Variants in B4GALNT3 observed in about 807,000 individuals in gnomAD.
B4GALNT3 encodes the protein beta-1,4-N-acetyl-galactosaminyltransferase 3.
B4GALNT3 carries 86 observed loss-of-function variants against 120.2 expected under a neutral mutation model. That is an observed-to-expected ratio of 0.72 (90% CI 0.60 to 0.86). The LOEUF (loss-of-function observed/expected upper bound fraction) is 0.86, where lower values mean the gene tolerates loss of function less well. B4GALNT3 is among the 40% of genes least tolerant of loss of function. B4GALNT3 has a pLI of 0.00. For synonymous variants in B4GALNT3, 518 were observed against 510.4 expected, an observed-to-expected ratio of 1.01 and a Z score of -0.20; for missense variants, 1,167 against 1,298.9, an observed-to-expected ratio of 0.90 and a Z score of 1.56.
intron 1 of B4GALNT3, among the ~76,000 whole-genome samples, chr12:475,666 C>A (rs547425338): frequency 1.3e-5 from 2 of 152,274 alleles, no homozygotes; most frequent in East Asian, 3.9e-4. Context: ...TGAAGCCTTC[C>A]TCAATTATTT....
chr12:509,020 C>T (rs1424197064), intron 1 of B4GALNT3, among the ~76,000 whole-genome samples: 1 of 152,198 alleles, frequency 6.6e-6, no homozygotes. Context: ...GGTGGAGATA[C>T]ACTCTACTGG....
At chr12:555,734 T>G (rs1947143770) in intron 14 of B4GALNT3, among the ~76,000 whole-genome samples, 1 of 152,218 alleles carries the variant, frequency 6.6e-6, no homozygotes, top group Non-Finnish European at 1.5e-5. Context: ...TTCTACATCC[T>G]TATCAACACT....
At chr12:501,115 T>TCCACC (rs1946438857) in intron 1 of B4GALNT3, among the ~76,000 whole-genome samples, 1 of 152,072 alleles carries the variant, frequency 6.6e-6, no homozygotes, top group Non-Finnish European at 1.5e-5. Context: ...CCTCAGGTGA[T>TCCACC]CCACCCCCCT....
At chr12:531,999 T>C (rs1033065861) in intron 1 of B4GALNT3, among the ~76,000 whole-genome samples, 1 of 151,850 alleles carries the variant, frequency 6.6e-6, no homozygotes, top group Non-Finnish European at 1.5e-5. Context: ...GAGGGTCTTG[T>C]TATGTTGCCC....
intron 1 of B4GALNT3, among the ~76,000 whole-genome samples, chr12:534,604 G>A (rs1946839954): frequency 6.6e-6 from 1 of 152,172 alleles, no homozygotes; most frequent in Admixed American, 6.5e-5. Context: ...AGTAATAGCA[G>A]GGCCTCTGAT....
intron 3 of B4GALNT3, among the ~76,000 whole-genome samples, chr12:539,994 A>G (rs1946898435): frequency 6.6e-6 from 1 of 152,152 alleles, no homozygotes; most frequent in South Asian, 2.1e-4. Flanking sequence ...GGAACCGGTG[A>G]CCTGATCACC....
chr12:493,327 A>C (rs962031678), intron 1 of B4GALNT3, among the ~76,000 whole-genome samples: 3 of 152,274 alleles, frequency 2.0e-5, no homozygotes, highest in Non-Finnish European at 2.9e-5. Context: ...GTTTAAGATC[A>C]TATGTCATTA....
intron 1 of B4GALNT3, among the ~76,000 whole-genome samples, chr12:489,824 C>A (rs1354245647): frequency 6.6e-6 from 1 of 152,196 alleles, no homozygotes; most frequent in Non-Finnish European, 1.5e-5. Context: ...TCTTCTCAAG[C>A]TCACATGGAA....
intron 1 of B4GALNT3, among the ~76,000 whole-genome samples, chr12:477,377 C>T (rs903497629): frequency 4.6e-5 from 7 of 152,210 alleles, no homozygotes; most frequent in Admixed American, 1.3e-4. Context: ...GGGGGTGGAT[C>T]ATGCATGTTC....
chr12:527,763 G>A (rs961307582), intron 1 of B4GALNT3, among the ~76,000 whole-genome samples: 2 of 152,224 alleles, frequency 1.3e-5, no homozygotes, highest in African/African-American at 4.8e-5. Context: ...GAGCCAGGAA[G>A]AGGGGAGCAG....
Position 553,758 on chromosome 12 carries a change from A to G in B4GALNT3, c.1835A>G (p.Glu612Gly), listed in dbSNP as rs779249903. The stretch of plus-strand genomic sequence containing the variant: ...GAGGGAGAGGAAGAGGGGGAAGAAG[A>G]GGAGGAGGAAGAGGATATGAGTGAG... ...QVEGEEEGEE[E>G]EEEEDMSEVF... The change falls in exon 14 of 20, where the codon GAG (glutamate) becomes GGG (glycine). Residue 612 changes from glutamate to glycine, a missense_variant. Glu to Gly is a moderately conservative substitution (Grantham distance 98, BLOSUM62 -2). This residue lies in a region of B4GALNT3 where 983 missense variants were observed against 1,102.5 expected (regional missense o/e 0.89). Transcript: ENST00000266383. The G allele has an allele frequency of 1.9e-6, 3 of 1,613,998 alleles. No homozygotes were observed. The South Asian group carries it at 3.3e-5, about 18-fold the overall frequency.
Position 549,139 on chromosome 12 carries a change from C to T in B4GALNT3, c.854-630C>T, listed in dbSNP as rs755997273. 2.6e-5 allele frequency among the ~76,000 whole-genome samples: 4 copies of T among 152,244 alleles called. No homozygotes were observed. In the South Asian group the frequency reaches 8.3e-4, roughly 32 times the overall value. On this transcript the variant is annotated intron_variant, in intron 9 of 19. Coordinates refer to ENST00000266383, the MANE Select transcript of B4GALNT3 (RefSeq NM_173593.4). ...GAAAAACATGCCATCCATAGGCCTC[C>T]GTGGCAGGTGTAGACAGATGCATGA...
intron 1 of B4GALNT3, among the ~76,000 whole-genome samples, chr12:512,193 G>A (rs866548762): frequency 0.014 from 179 of 13,222 alleles, no homozygotes; most frequent in Middle Eastern, 0.083. Context: ...TCCACCTTCC[G>A]CCTTCCACCT....
At chr12:462,159 A>G (rs1946028341) in intron 1 of B4GALNT3, among the ~76,000 whole-genome samples, 1 of 151,992 alleles carries the variant, frequency 6.6e-6, no homozygotes, top group Non-Finnish European at 1.5e-5. Flanking sequence ...CTCCCCCGCC[A>G]TGGCCACTCA....
intron 1 of B4GALNT3, among the ~76,000 whole-genome samples, chr12:492,246 C>T (rs1208034636): frequency 6.6e-6 from 1 of 152,066 alleles, no homozygotes; most frequent in Non-Finnish European, 1.5e-5. Flanking sequence ...GACAAGAAAA[C>T]TGGAACTAAT....
chr12:505,330 A>G (rs1391109850), intron 1 of B4GALNT3, among the ~76,000 whole-genome samples: 1 of 152,238 alleles, frequency 6.6e-6, no homozygotes, highest in Non-Finnish European at 1.5e-5. Flanking sequence ...GCAGAGGGAC[A>G]GTGACCACCA....
intron 1 of B4GALNT3, among the ~76,000 whole-genome samples, chr12:498,154 C>T (rs1946406077): frequency 6.6e-6 from 1 of 152,178 alleles, no homozygotes. Flanking sequence ...TGGCAGTGCC[C>T]CACAGTTGCC....
rs185075410 is a variant in B4GALNT3, at chr12:536,485, A to T, written c.351+190A>T. On this transcript the variant is annotated intron_variant, in intron 3 of 19. Transcript: ENST00000266383. ...AACTTTCTACTAGTGAATTAAAAAA[A>T]TTTTTAAATTATTTATTCAGTTAGT... Among the ~76,000 whole-genome samples the T allele has an allele frequency of 7.2e-4, 110 of 152,304 alleles. 1 individual carries two copies. The highest frequency in any genetic ancestry group is 2.2e-4 in the Non-Finnish European group (15 of 68,022).
intron 1 of B4GALNT3, among the ~76,000 whole-genome samples, chr12:534,057 G>T (rs900982547): frequency 2.6e-5 from 4 of 152,174 alleles, no homozygotes; most frequent in African/African-American, 9.7e-5. Context: ...GGCTAATTCC[G>T]TCTAAGCAGT....
Sources: gnomAD v4.1 joint callset for allele counts (sites outside exome capture counted in the v4.1 genomes callset) on GRCh38, gnomAD v4.1.1 for gene constraint, gnomAD v4.1.1 regional missense constraint, MANE v1.5 for transcripts, NCBI Gene and HGNC (gene_info 2026-07-23, HGNC 2026-07-21) for gene names.